Variants in TENM4 observed in about 807,000 individuals in gnomAD.
TENM4 encodes the protein teneurin transmembrane protein 4, also known as teneurin-4.
In TENM4, 82 loss-of-function variants were observed where a neutral mutation model predicts 243.3. That is an observed-to-expected ratio of 0.34 (90% CI 0.28 to 0.40). The LOEUF is 0.40. Ranked by LOEUF, TENM4 falls within the 10% of genes least tolerant of loss-of-function variation. The pLI, the probability that TENM4 is intolerant of heterozygous loss-of-function variation, is 1.00. For missense variants in TENM4, 3,138 were observed against 3,673.3 expected (o/e 0.85, Z 3.77); for synonymous variants, 1,412 against 1,456.3 (o/e 0.97, Z 0.69).
intron 2 of TENM4, among the ~76,000 whole-genome samples, chr11:79,288,840 T>C (rs1319516680): frequency 6.6e-6 from 1 of 151,970 alleles, no homozygotes. Flanking sequence ...GGGCTGCTGG[T>C]TGAAATAAGA....
chr11:78,896,840 T>C (rs930796988), intron 7 of TENM4, among the ~76,000 whole-genome samples: 5 of 152,072 alleles, frequency 3.3e-5, no homozygotes, highest in African/African-American at 7.2e-5. Flanking sequence ...GCAAGTTACT[T>C]AACTTGTCTG....
chr11:78,923,978 C>T (rs1856502745), intron 6 of TENM4, among the ~76,000 whole-genome samples: 1 of 151,822 alleles, frequency 6.6e-6, no homozygotes, highest in Non-Finnish European at 1.5e-5. Flanking sequence ...CCTCAGCCTC[C>T]CAAGTAGCTG....
chr11:79,421,537 G>C (rs572411658), intron 1 of TENM4, among the ~76,000 whole-genome samples: 1 of 152,246 alleles, frequency 6.6e-6, no homozygotes, highest in Admixed American at 6.5e-5. Flanking sequence ...TTTGCAGAGG[G>C]CTATCTCCCA....
intron 14 of TENM4, 138 bp downstream of exon 14, chr11:78,811,984 G>T: frequency 9.9e-7 from 1 of 1,013,432 alleles, no homozygotes; most frequent in Non-Finnish European, 1.4e-6. Context: ...TGTTGCTGGT[G>T]GGTGGGCTCC....
chr11:79,284,312 C>T (rs141438943), intron 2 of TENM4, among the ~76,000 whole-genome samples: 91 of 152,228 alleles, frequency 6.0e-4, no homozygotes, highest in Admixed American at 3.7e-3. Context: ...AAATTTACTA[C>T]GAAGCTACAG....
chr11:79,436,692 C>G (rs1435954257), intron 1 of TENM4, among the ~76,000 whole-genome samples: 2 of 152,222 alleles, frequency 1.3e-5, no homozygotes, highest in African/African-American at 2.4e-5. Flanking sequence ...CCGTTGGCAT[C>G]CGCACTGGTC....
At position 78,676,162 on chromosome 11, in the gene TENM4, C is replaced by T. The variant is rs1393046009; in HGVS notation, c.5486G>A (p.Arg1829His). The T allele has an allele frequency of 5.3e-6, 8 of 1,514,630 alleles. No individual in the cohort carries two copies. The highest frequency in any genetic ancestry group is 4.1e-5 in the African/African-American group (3 of 72,778). 93.8% of individuals were successfully genotyped at this position (1,514,630 alleles called of 1,614,324 possible). A position where few individuals can be genotyped will look rare whatever the true frequency, so the allele number is the denominator to read the frequency against. Reference protein sequence around the residue: ...QARGQVTVFGRRLRVHNRNLL... With the variant: ...QARGQVTVFGHRLRVHNRNLL... ...AGAGGCCTCGCTCACCCGCAGCCGG[C>T]GCCCAAAGACAGTGACCTGGCCCCG... The change falls in exon 30 of 34, where the codon CGC becomes CAC. Residue 1829 changes from arginine to histidine, a missense_variant. Arg to His is a conservative substitution (Grantham distance 29). Around this residue, in one of 2 missense-constraint regions of TENM4, gnomAD observed 2,467 missense variants for 3,059.1 expected, o/e 0.81. Coordinates refer to ENST00000278550, the MANE Select transcript of TENM4 (RefSeq NM_001098816.3).
intron 3 of TENM4, among the ~76,000 whole-genome samples, chr11:79,160,441 C>T (rs553664592): frequency 4.6e-5 from 7 of 152,012 alleles, no homozygotes; most frequent in East Asian, 3.9e-4. Flanking sequence ...AGTCAGAGCT[C>T]GGGGGACTTG....
At chr11:79,002,416 T>C (rs1352410849) in intron 6 of TENM4, among the ~76,000 whole-genome samples, 1 of 152,220 alleles carries the variant, frequency 6.6e-6, no homozygotes, top group Non-Finnish European at 1.5e-5. Context: ...TGGAGTGTTG[T>C]GGCCAGTGAA....
intron 1 of TENM4, among the ~76,000 whole-genome samples, chr11:79,382,270 C>T (rs1355446008): frequency 6.6e-6 from 1 of 152,156 alleles, no homozygotes; most frequent in East Asian, 1.9e-4. Context: ...AGAGGGTTCT[C>T]TGGGGATTAG....
intron 6 of TENM4, among the ~76,000 whole-genome samples, chr11:78,912,010 A>G (rs1856200622): frequency 6.6e-6 from 1 of 152,172 alleles, no homozygotes; most frequent in Non-Finnish European, 1.5e-5. Context: ...TGAACAGAGC[A>G]CTGAAGTAGA....
At position 78,698,538 on chromosome 11, in the gene TENM4, A is replaced by G. The variant is rs575527748; in HGVS notation, c.5087+2988T>C. On this transcript the variant is annotated intron_variant, in intron 28 of 33. Transcript: ENST00000278550. ...GAACATTTCGGTTATAATCTACTAA[A>G]CTGCCTCATGAAGCTAAAGGTAGAA... is the stretch of plus-strand genomic sequence containing the variant. Among the ~76,000 whole-genome samples the G allele has an allele frequency of 2.6e-5, 4 of 152,284 alleles. No individual in the cohort carries two copies. The South Asian group carries it at 6.2e-4, about 24-fold the overall frequency.
At chr11:79,071,349 A>G (rs1860410621) in intron 4 of TENM4, among the ~76,000 whole-genome samples, 1 of 152,176 alleles carries the variant, frequency 6.6e-6, no homozygotes, top group African/African-American at 2.4e-5. Flanking sequence ...GAGAGACAAC[A>G]GAGCAAGAGC....
At chr11:79,041,674 G>A (rs566766367) in intron 6 of TENM4, among the ~76,000 whole-genome samples, 1 of 152,266 alleles carries the variant, frequency 6.6e-6, no homozygotes. Flanking sequence ...TCACTTTGAA[G>A]ATGAAAAGGT....
chr11:78,673,520 G>A (rs760664546), intron 30 of TENM4, among the ~76,000 whole-genome samples: 12 of 152,198 alleles, frequency 7.9e-5, no homozygotes, highest in Non-Finnish European at 1.5e-4. Flanking sequence ...AAAAAAAAAT[G>A]GGTGCAGGTC....
chr11:78,812,127 T>C lies in TENM4; in HGVS notation c.1973A>G (p.Glu658Gly). 1 of 1,550,454 alleles carries C rather than the reference T, an allele frequency of 6.4e-7. No homozygotes were observed. The highest frequency in any genetic ancestry group is 8.7e-7 in the Non-Finnish European group (1 of 1,146,452). ...CNPGYKGESC[E>G]EVDCMDPTCS... ...CTGCCACCTGCAACTCTTACCTTCCTCACAGCTCTCGCCCTTGTAGCCAGG... is the reference window on the plus strand; with the variant it reads ...CTGCCACCTGCAACTCTTACCTTCCCCACAGCTCTCGCCCTTGTAGCCAGG... The change falls in exon 14 of 34, where the codon GAG (glutamate) becomes GGG (glycine). Residue 658 changes from glutamate (E) to glycine (G), a missense_variant. Physicochemically the swap from Glu to Gly is moderately conservative, Grantham distance 98. This residue lies in a region of TENM4 where 2,467 missense variants were observed against 3,059.1 expected (regional missense o/e 0.81). Transcript: ENST00000278550.
intron 1 of TENM4, among the ~76,000 whole-genome samples, chr11:79,330,963 G>A (rs1857052273): frequency 1.3e-5 from 2 of 152,198 alleles, no homozygotes; most frequent in South Asian, 4.1e-4. Flanking sequence ...ATCTGCAGAT[G>A]AAACAACATG....
chr11:78,814,203 G>T, intron 13 of TENM4, 91 bp downstream of exon 13: 1 of 1,255,852 alleles, frequency 8.0e-7, no homozygotes, highest in Non-Finnish European at 1.1e-6. Context: ...CAGAAGGTGG[G>T]CTGGATTCTG....
chr11:79,266,141 C>T (rs1855880773), intron 2 of TENM4, among the ~76,000 whole-genome samples: 1 of 152,216 alleles, frequency 6.6e-6, no homozygotes. Context: ...ATAAGACTTA[C>T]TGAGTGCAGG....
Sources: allele counts gnomAD v4.1 joint callset (sites outside exome capture counted in the v4.1 genomes callset), GRCh38; gene constraint gnomAD v4.1.1; regional missense constraint gnomAD v4.1.1; transcripts MANE v1.5; gene names NCBI Gene and HGNC (gene_info 2026-07-23, HGNC 2026-07-21).